RIT2: variants seen among roughly 807,000 people sequenced by gnomAD.
RIT2 encodes the protein Ras like without CAAX 2, also known as GTP-binding protein Rit2.
A neutral mutation model predicts 23.7 loss-of-function variants in RIT2; 24 were observed. The observed-to-expected ratio is 1.01, with a 90% confidence interval of 0.73 to 1.43. RIT2 has a LOEUF of 1.43. Ranked by LOEUF, RIT2 falls within the 40% of genes most tolerant of loss-of-function variation. The pLI, the probability that RIT2 is intolerant of heterozygous loss-of-function variation, is 0.00. For synonymous variants in RIT2, 107 were observed against 91.1 expected (o/e 1.17, Z -0.99); for missense variants, 236 against 266.9 (o/e 0.88, Z 0.81).
intron 1 of RIT2, among the ~76,000 whole-genome samples, chr18:43,106,073 A>G (rs1434695048): frequency 6.6e-6 from 1 of 152,334 alleles, no homozygotes; most frequent in Middle Eastern, 3.4e-3. Flanking sequence ...GTTCTCATCT[A>G]TTAATTAGAG....
intron 4 of RIT2, among the ~76,000 whole-genome samples, chr18:42,887,565 A>T (rs1908056312): frequency 6.6e-6 from 1 of 152,180 alleles, no homozygotes; most frequent in Non-Finnish European, 1.5e-5. Context: ...AGGGGGGAGG[A>T]TGCAAAATGG....
intron 1 of RIT2, among the ~76,000 whole-genome samples, chr18:43,054,195 G>A (rs1912447687): frequency 6.6e-6 from 1 of 152,040 alleles, no homozygotes; most frequent in Admixed American, 6.6e-5. Context: ...GCTAGATTGT[G>A]CAGCTGGGTC....
At chr18:42,895,011 T>A (rs1386512248) in intron 4 of RIT2, among the ~76,000 whole-genome samples, 1 of 152,210 alleles carries the variant, frequency 6.6e-6, no homozygotes. Flanking sequence ...AAGCCTCAAG[T>A]ATCAGTAGAG....
chr18:42,792,307 C>T (rs187034711), intron 4 of RIT2, among the ~76,000 whole-genome samples: 30 of 152,220 alleles, frequency 2.0e-4, no homozygotes, highest in African/African-American at 7.2e-4. Flanking sequence ...GTGCATGGTA[C>T]TCATGACTTA....
intron 1 of RIT2, among the ~76,000 whole-genome samples, chr18:43,114,650 T>A (rs1914026669): frequency 6.6e-6 from 1 of 152,194 alleles, no homozygotes; most frequent in South Asian, 2.1e-4. Context: ...GCCAAAAAAC[T>A]ACTATGTATC....
chr18:42,772,428 T>C (rs527288791), intron 4 of RIT2, among the ~76,000 whole-genome samples: 2 of 152,116 alleles, frequency 1.3e-5, no homozygotes, highest in African/African-American at 2.4e-5. Flanking sequence ...CCCTCAGCAG[T>C]GCCTTCAACC....
chr18:43,099,506 TCAGA>T (rs147287563), intron 1 of RIT2, among the ~76,000 whole-genome samples: 7,457 of 152,160 alleles, frequency 0.049, 227 homozygotes, highest in South Asian at 0.13. Flanking sequence ...AATAATAACT[TCAGA>T]CATTTATCAA....
chr18:42,990,288 G>T (rs1358914108), intron 2 of RIT2, among the ~76,000 whole-genome samples: 1 of 152,048 alleles, frequency 6.6e-6, no homozygotes, highest in Non-Finnish European at 1.5e-5. Context: ...GGTCTTCAAT[G>T]GTTTGAATGG....
chr18:42,869,638 C>T (rs560245752), intron 4 of RIT2, among the ~76,000 whole-genome samples: 187 of 152,254 alleles, frequency 1.2e-3, no homozygotes, highest in African/African-American at 4.4e-3. Flanking sequence ...CCCAGTTGTA[C>T]CCTGTCCTCT....
At chr18:43,066,067 A>G (rs965980211) in intron 1 of RIT2, among the ~76,000 whole-genome samples, 31 of 152,180 alleles carry the variant, frequency 2.0e-4, no homozygotes, top group Non-Finnish European at 5.9e-5. Flanking sequence ...AATTATTTCA[A>G]TGGTTTCACA....
chr18:42,877,538 A>G lies in RIT2; in HGVS notation c.426+46034T>C, dbSNP rs896018218. Among the ~76,000 whole-genome samples the G allele has an allele frequency of 8.0e-5, 12 of 149,496 alleles. No individual in the cohort carries two copies. In the East Asian group the frequency reaches 2.3e-3, roughly 29 times the overall value. On this transcript the variant is annotated intron_variant, in intron 4 of 4. Coordinates refer to ENST00000326695, the MANE Select transcript of RIT2 (RefSeq NM_002930.4). Reference sequence around the variant, plus strand: ...GTATACACTATATATATATATATATATATGCATATACACACATAGATACAT... The same window carrying G: ...GTATACACTATATATATATATATATGTATGCATATACACACATAGATACAT...
chr18:42,788,050 C>T (rs987469734), intron 4 of RIT2, among the ~76,000 whole-genome samples: 6 of 151,634 alleles, frequency 4.0e-5, no homozygotes, highest in Admixed American at 3.9e-4. Flanking sequence ...TATTAATTCA[C>T]ATAAAATAAC....
At chr18:43,065,780 A>G (rs2144329100) in intron 1 of RIT2, among the ~76,000 whole-genome samples, 1 of 152,270 alleles carries the variant, frequency 6.6e-6, no homozygotes, top group East Asian at 1.9e-4. Flanking sequence ...GGTTTTATAG[A>G]GAATATAACA....
At chr18:42,889,425 A>T (rs1399017146) in intron 4 of RIT2, among the ~76,000 whole-genome samples, 1 of 152,062 alleles carries the variant, frequency 6.6e-6, no homozygotes, top group African/African-American at 2.4e-5. Flanking sequence ...ACTATAGGAA[A>T]ATTGGGTTAT....
At chr18:43,026,011 T>C (rs961440450) in intron 2 of RIT2, among the ~76,000 whole-genome samples, 5 of 152,060 alleles carry the variant, frequency 3.3e-5, no homozygotes, top group African/African-American at 9.7e-5. Context: ...AACTCTGTTA[T>C]AGTGAAAATA....
At chr18:42,858,741 C>T (rs1264797579) in intron 4 of RIT2, among the ~76,000 whole-genome samples, 2 of 152,102 alleles carry the variant, frequency 1.3e-5, no homozygotes, top group Admixed American at 6.5e-5. Flanking sequence ...GTGGCAACCA[C>T]GAATCTACTT....
chr18:43,091,161 A>G (rs1271793781), intron 1 of RIT2, among the ~76,000 whole-genome samples: 2 of 151,622 alleles, frequency 1.3e-5, no homozygotes, highest in Non-Finnish European at 2.9e-5. Flanking sequence ...ATTTTAATAT[A>G]TATTATATAT....
intron 2 of RIT2, among the ~76,000 whole-genome samples, chr18:42,993,746 CT>C: frequency 6.6e-6 from 1 of 152,182 alleles, no homozygotes; most frequent in African/African-American, 2.4e-5. Context: ...ACATCCTCCC[CT>C]TGTATCTCCC....
intron 4 of RIT2, among the ~76,000 whole-genome samples, chr18:42,848,267 C>T (rs955988735): frequency 6.6e-6 from 1 of 152,152 alleles, no homozygotes; most frequent in Non-Finnish European, 1.5e-5. Context: ...AGCTGAACTT[C>T]TTTTTAGAGT....
Sources: allele counts gnomAD v4.1 joint callset (sites outside exome capture counted in the v4.1 genomes callset), GRCh38; gene constraint gnomAD v4.1.1; transcripts MANE v1.5; gene names NCBI Gene and HGNC (gene_info 2026-07-23, HGNC 2026-07-21).